DIP2A: variants seen among roughly 807,000 people sequenced by gnomAD.
The protein encoded by DIP2A is disco-interacting protein 2 homolog A.
In DIP2A, 85 loss-of-function variants were observed where a neutral mutation model predicts 177.4. The ratio of observed to expected loss-of-function variants is 0.48; its 90% CI spans 0.40 to 0.57. DIP2A has a LOEUF of 0.57. DIP2A is among the 20% of genes least tolerant of loss of function. The pLI, the probability that DIP2A is intolerant of heterozygous loss-of-function variation, is 0.00. For missense variants in DIP2A, 1,791 were observed against 2,100.2 expected, an observed-to-expected ratio of 0.85 and a Z score of 2.88; for synonymous variants, 886 against 881.8, an observed-to-expected ratio of 1.00 and a Z score of -0.08.
intron 8 of DIP2A, among the ~76,000 whole-genome samples, chr21:46,517,666 A>G (rs542256452): frequency 1.1e-4 from 16 of 152,312 alleles, no homozygotes; most frequent in African/African-American, 3.1e-4. Flanking sequence ...GAGGTTTTCC[A>G]CATGGGCTCT....
chr21:46,581,370 C>T, the DIP2A span, among the ~76,000 whole-genome samples: 5 of 152,132 alleles, frequency 3.3e-5, no homozygotes, highest in African/African-American at 9.7e-5. Context: ...GTTCTTAGCT[C>T]CTTTGCACTG....
At chr21:46,467,182 G>A (rs62224256) in intron 1 of DIP2A, among the ~76,000 whole-genome samples, 70,564 of 151,138 alleles carry the variant, frequency 0.47, 16,760 homozygotes, top group Non-Finnish European at 0.51. Flanking sequence ...TGTAGTCCCA[G>A]CTGCTCGGGA....
intron 8 of DIP2A, among the ~76,000 whole-genome samples, chr21:46,512,078 G>T (rs2839300): frequency 2.6e-5 from 4 of 151,874 alleles, no homozygotes; most frequent in African/African-American, 9.7e-5. Context: ...CCTTCCACAC[G>T]CAAAGGGTAA....
chr21:46,473,560 G>A (rs2055588464), intron 1 of DIP2A, among the ~76,000 whole-genome samples: 1 of 151,898 alleles, frequency 6.6e-6, no homozygotes, highest in Admixed American at 6.6e-5. Flanking sequence ...CTGTTACCCA[G>A]GCTGGAGTGC....
chr21:46,577,170 A>G, the DIP2A span, among the ~76,000 whole-genome samples: 214 of 152,164 alleles, frequency 1.4e-3, 1 homozygote, highest in African/African-American at 4.9e-3. Context: ...TTTTGTTGCA[A>G]TTGCTTTTGA....
chr21:46,570,142 G>T (rs533708773), downstream of DIP2A, among the ~76,000 whole-genome samples: 6 of 152,184 alleles, frequency 3.9e-5, no homozygotes, highest in African/African-American at 1.4e-4. Flanking sequence ...CCAGATGCAC[G>T]TTTACACTGC....
intron 13 of DIP2A, among the ~76,000 whole-genome samples, chr21:46,535,462 G>C (rs2059528546): frequency 6.6e-6 from 1 of 152,150 alleles, no homozygotes; most frequent in South Asian, 2.1e-4. Flanking sequence ...GTTCATACCA[G>C]TAATCCCACC....
chr21:46,562,969 T>C (rs1220522924), intron 34 of DIP2A, among the ~76,000 whole-genome samples: 6 of 152,330 alleles, frequency 3.9e-5, no homozygotes, highest in Non-Finnish European at 7.4e-5. Context: ...TGCCCTGCCA[T>C]GTACAGCCGC....
In DIP2A at chr21:46,458,913, A is replaced by T. The variant is rs1035606108; in HGVS notation, c.-219A>T. ...CCCGTGTAGGGCCGGCCGGGCGCTC[A>T]GGAGCGCGCGGGGCAGCGGCGGCGC... On this transcript the variant is annotated 5_prime_UTR_variant, in exon 1 of 38. Transcript: ENST00000417564. 7.8e-6 allele frequency: 2 copies of T among 255,426 alleles called. No homozygotes were observed. Among genetic ancestry groups the T allele is most frequent in the Non-Finnish European group, 1.5e-5 (2 of 137,786 alleles). The allele number at this position is 255,426 out of a possible 1,614,324, so 15.8% of individuals were successfully genotyped here.
At chr21:46,554,469 T>G (rs1300282923) in intron 26 of DIP2A, 106 bp from the exon 27 acceptor site, 14 of 1,545,916 alleles carry the variant, frequency 9.1e-6, no homozygotes, top group African/African-American at 1.4e-5. Context: ...GAGTCACCCA[T>G]GCCCCCCCAG....
At chr21:46,491,320 C>T (rs1431002062) in intron 3 of DIP2A, among the ~76,000 whole-genome samples, 4 of 152,150 alleles carry the variant, frequency 2.6e-5, no homozygotes, top group African/African-American at 9.7e-5. Context: ...ATTTTCTTCA[C>T]ATTTAAGCTC....
At position 46,556,668 on chromosome 21, in the gene DIP2A, G is replaced by A. The variant is rs374849102; in HGVS notation, c.3499-271G>A. 2.2e-4 allele frequency: 81 copies of A among 366,380 alleles called. No homozygotes were observed. The highest frequency in any genetic ancestry group is 1.7e-3 in the African/African-American group (78 of 47,250). 22.7% of individuals were successfully genotyped at this position (366,380 alleles called of 1,614,324 possible). A position where few individuals can be genotyped will look rare whatever the true frequency, so the allele number is the denominator to read the frequency against. On this transcript the variant is annotated intron_variant, in intron 29 of 37. Coordinates refer to ENST00000417564, the MANE Select transcript of DIP2A (RefSeq NM_015151.4). This position sits in a 1 kb window ranked among gnomAD's most constrained non-coding sequence, Gnocchi z 4.5. ...ATTGCACTCCAGCCTGGGCGACAGA[G>A]CAAGACTCTGCCTCAAAAAAAAAAA...
At chr21:46,544,834 G>A (rs1483518918) in intron 18 of DIP2A, among the ~76,000 whole-genome samples, 1 of 152,186 alleles carries the variant, frequency 6.6e-6, no homozygotes, top group Admixed American at 6.5e-5. Flanking sequence ...AGTATGACAA[G>A]AGGAGGCACA....
At chr21:46,532,289 C>A in intron 10 of DIP2A, 52 bp downstream of exon 10, 1 of 1,447,494 alleles carries the variant, frequency 6.9e-7, no homozygotes, top group Non-Finnish European at 9.6e-7. Flanking sequence ...AACTTGATAC[C>A]AGCAGTATCT....
At position 46,569,490 on chromosome 21, in the gene DIP2A, A is replaced by G. The variant is rs1225256474; in HGVS notation, c.*1868A>G. 6.6e-6 allele frequency: 1 copy of G among 152,168 alleles called. No homozygotes were observed. Among genetic ancestry groups the G allele is most frequent in the African/African-American group, 2.4e-5 (1 of 41,456 alleles). 9.4% of individuals were successfully genotyped at this position (152,168 alleles called of 1,614,324 possible). On this transcript the variant is annotated 3_prime_UTR_variant, in exon 38 of 38. Coordinates refer to ENST00000417564, the MANE Select transcript of DIP2A (RefSeq NM_015151.4). The stretch of plus-strand genomic sequence containing the variant: ...AATGGCTGGGAAGGGAAAGAAAAAA[A>G]AAAAAAAACTACCTAACTCCAATCT...
chr21:46,529,295 A>G (rs1028200994), intron 9 of DIP2A, 112 bp downstream of exon 9: 1 of 733,118 alleles, frequency 1.4e-6, no homozygotes, highest in Non-Finnish European at 2.2e-6. Context: ...CATTAATACA[A>G]GGGATTTAAA....
At chr21:46,576,549 T>G in the DIP2A span, among the ~76,000 whole-genome samples, 8 of 152,328 alleles carry the variant, frequency 5.3e-5, no homozygotes, top group Non-Finnish European at 8.8e-5. Context: ...GTTGATTCCA[T>G]GCCTTTGCTA....
intron 2 of DIP2A, among the ~76,000 whole-genome samples, chr21:46,486,203 T>C (rs1461650651): frequency 1.3e-5 from 2 of 151,720 alleles, no homozygotes; most frequent in African/African-American, 2.4e-5. Context: ...ACACCAGCCA[T>C]GTATGATGAT....
chr21:46,462,349 T>C (rs1272690948), intron 1 of DIP2A: 1 of 152,192 alleles, frequency 6.6e-6, no homozygotes, highest in Non-Finnish European at 1.5e-5. Flanking sequence ...ATTTTTGGCT[T>C]CTTCACACAG....
Sources: allele counts gnomAD v4.1 joint callset (sites outside exome capture counted in the v4.1 genomes callset), GRCh38; gene constraint gnomAD v4.1.1; non-coding constraint Gnocchi (gnomAD v3.1); transcripts MANE v1.5; gene names NCBI Gene and HGNC (gene_info 2026-07-23, HGNC 2026-07-21).